Variants in PDE4D observed in about 807,000 individuals in gnomAD.
PDE4D encodes the protein phosphodiesterase 4D.
In PDE4D, 24 loss-of-function variants were observed where a neutral mutation model predicts 87.4. The observed-to-expected ratio is 0.27, with a 90% CI of 0.20 to 0.39. The LOEUF is 0.39. Ranked by LOEUF, PDE4D falls within the 10% of genes least tolerant of loss-of-function variation. PDE4D has a pLI of 1.00. For missense variants in PDE4D, 714 were observed against 1,041.0 expected, an observed-to-expected ratio of 0.69 and a Z score of 4.32; for synonymous variants, 384 against 383.2, an observed-to-expected ratio of 1.00 and a Z score of -0.02.
chr5:60,368,090 T>C (rs1448095503), intron 1 of PDE4D, among the ~76,000 whole-genome samples: 3 of 152,210 alleles, frequency 2.0e-5, no homozygotes, highest in Non-Finnish European at 4.4e-5. Context: ...TTGTCCAAGC[T>C]GCAAATATTT....
At chr5:59,299,539 T>C (rs1279990442) in intron 1 of PDE4D, among the ~76,000 whole-genome samples, 1 of 152,198 alleles carries the variant, frequency 6.6e-6, no homozygotes, top group African/African-American at 2.4e-5. Flanking sequence ...TACATGTCTC[T>C]TCCATTATTT....
chr5:59,438,849 A>C (rs1248090548), intron 1 of PDE4D, among the ~76,000 whole-genome samples: 1 of 152,246 alleles, frequency 6.6e-6, no homozygotes, highest in Non-Finnish European at 1.5e-5. Flanking sequence ...GATTGAATAC[A>C]TCTAGAAAAG....
intron 1 of PDE4D, among the ~76,000 whole-genome samples, chr5:59,497,489 G>A (rs1807435699): frequency 6.6e-6 from 1 of 151,824 alleles, no homozygotes; most frequent in Non-Finnish European, 1.5e-5. Context: ...TATTAAGAAA[G>A]AACCAAACAC....
At chr5:59,750,688 C>T (rs1452383240) in intron 1 of PDE4D, among the ~76,000 whole-genome samples, 2 of 152,120 alleles carry the variant, frequency 1.3e-5, no homozygotes, top group Non-Finnish European at 2.9e-5. Flanking sequence ...ATAATCCCAG[C>T]ACTTTGGAAG....
At chr5:60,443,254 G>A (rs892169076) in intron 1 of PDE4D, among the ~76,000 whole-genome samples, 12 of 152,124 alleles carry the variant, frequency 7.9e-5, no homozygotes, top group African/African-American at 2.9e-4. Flanking sequence ...TGAAGAAAAG[G>A]TGTAGATAGT....
chr5:59,901,586 G>A (rs931211021), intron 3 of PDE4D, among the ~76,000 whole-genome samples: 5 of 151,920 alleles, frequency 3.3e-5, no homozygotes, highest in Non-Finnish European at 7.4e-5. Flanking sequence ...GAATCAATGA[G>A]AGAAAAATGG....
intron 5 of PDE4D, among the ~76,000 whole-genome samples, chr5:59,107,900 T>C (rs904927219): frequency 2.6e-5 from 4 of 151,948 alleles, no homozygotes; most frequent in Non-Finnish European, 5.9e-5. Context: ...TGCTGGAGAG[T>C]TCACATGAGG....
At chr5:59,715,396 CT>C (rs769177681) in intron 1 of PDE4D, among the ~76,000 whole-genome samples, 14 of 152,350 alleles carry the variant, frequency 9.2e-5, no homozygotes, top group South Asian at 2.1e-4. Context: ...GCATCCCCCC[CT>C]ATGCCCGATG....
intron 1 of PDE4D, among the ~76,000 whole-genome samples, chr5:59,882,770 CTT>C (rs34177348): frequency 0.024 from 3,412 of 139,468 alleles, 43 homozygotes; most frequent in African/African-American, 0.03. Context: ...TCCTTTCCTT[CTT>C]TTTTTTTTTT....
intron 1 of PDE4D, among the ~76,000 whole-genome samples, chr5:60,504,117 C>A (rs1325406048): frequency 6.6e-6 from 1 of 152,168 alleles, no homozygotes; most frequent in Non-Finnish European, 1.5e-5. Flanking sequence ...TCCTATCCGA[C>A]CCATCAATGT....
intron 1 of PDE4D, among the ~76,000 whole-genome samples, chr5:59,639,617 A>G (rs1741196992): frequency 1.3e-5 from 2 of 152,132 alleles, no homozygotes; most frequent in South Asian, 4.2e-4. Flanking sequence ...GGGAGTACAT[A>G]ATGAATTTCA....
chr5:59,614,521 G>T (rs937155476), intron 1 of PDE4D, among the ~76,000 whole-genome samples: 2 of 152,164 alleles, frequency 1.3e-5, no homozygotes, highest in African/African-American at 4.8e-5. Flanking sequence ...AGAACTGTAA[G>T]AGTCTATGTT....
chr5:60,050,358 G>A (rs1457555410), intron 2 of PDE4D, among the ~76,000 whole-genome samples: 2 of 152,104 alleles, frequency 1.3e-5, no homozygotes, highest in East Asian at 1.9e-4. Context: ...GTAGACCAGA[G>A]CTGTTCCTAT....
intron 1 of PDE4D, among the ~76,000 whole-genome samples, chr5:59,244,443 TAC>T (rs895241499): frequency 4.0e-5 from 5 of 126,274 alleles, no homozygotes; most frequent in African/African-American, 1.6e-4. Flanking sequence ...AATATATGTA[TAC>T]ACACACATAT....
intron 5 of PDE4D, among the ~76,000 whole-genome samples, chr5:59,049,951 A>G (rs1296268300): frequency 2.0e-5 from 3 of 152,174 alleles, no homozygotes. Flanking sequence ...ACATTTGTCC[A>G]GTTGAAGACT....
intron 1 of PDE4D, among the ~76,000 whole-genome samples, chr5:60,402,091 G>A (rs1472343419): frequency 2.0e-5 from 3 of 152,170 alleles, no homozygotes; most frequent in East Asian, 1.9e-4. Flanking sequence ...GACTTCAAAC[G>A]CTCTCTCTCA....
chr5:59,222,233 C>T (rs1372093878), intron 1 of PDE4D, among the ~76,000 whole-genome samples: 1 of 152,192 alleles, frequency 6.6e-6, no homozygotes, highest in African/African-American at 2.4e-5. Context: ...TGCTCGCATA[C>T]TTTGTGTCTA....
At chr5:59,375,295 A>C (rs1464425838) in intron 1 of PDE4D, among the ~76,000 whole-genome samples, 5 of 152,160 alleles carry the variant, frequency 3.3e-5, no homozygotes, top group Admixed American at 2.6e-4. Context: ...CACCAGCTAG[A>C]TTAATAAAGA....
At position 59,893,601 on chromosome 5, in the gene PDE4D, C is replaced by T; in HGVS notation, c.22G>A (p.Ala8Thr). The T allele has an allele frequency of 3.3e-6, 5 of 1,516,360 alleles. No individual in the cohort carries two copies. Among genetic ancestry groups the T allele is most frequent in the Non-Finnish European group, 4.4e-6 (5 of 1,133,708 alleles). 93.9% of individuals were successfully genotyped at this position (1,516,360 alleles called of 1,614,324 possible). A position where few individuals can be genotyped will look rare whatever the true frequency, so the allele number is the denominator to read the frequency against. ...TCTCCGCTGCCCGCCCGGGCCGGCG[C>T]GCTGCTGCCCTCTGCCTCCATCCTG... MEAEGSS[A>T]PARAGSGEGS... is the part of the protein sequence containing the mutation. The change falls in exon 1 of 15, where the codon GCG becomes ACG. Residue 8 changes from alanine (A) to threonine (T), a missense_variant. By Grantham distance (58) the Ala-to-Thr change is moderately conservative. Coordinates refer to ENST00000340635, the MANE Select transcript of PDE4D (RefSeq NM_001104631.2).
Sources: allele counts gnomAD v4.1 joint callset (sites outside exome capture counted in the v4.1 genomes callset), GRCh38; gene constraint gnomAD v4.1.1; transcripts MANE v1.5; gene names NCBI Gene and HGNC (gene_info 2026-07-23, HGNC 2026-07-21).